The following HNF4A variants were observed in gnomAD, a reference collection of about 807,000 sequenced individuals.
HNF4A encodes hepatocyte nuclear factor 4-alpha.
Under a neutral mutation model 52.4 loss-of-function variants are expected in HNF4A, and 15 were observed. The ratio of observed to expected loss-of-function variants is 0.29; its 90% confidence interval spans 0.19 to 0.44. HNF4A has a LOEUF of 0.44. Among genes scored for constraint, HNF4A ranks in the 20% least tolerant of loss-of-function variants. HNF4A has a pLI of 1.00. For missense variants in HNF4A, 479 were observed against 647.2 expected (o/e 0.74, Z 2.82); for synonymous variants, 280 against 264.4 (o/e 1.06, Z -0.57).
intron 1 of HNF4A, among the ~76,000 whole-genome samples, chr20:44,404,894 A>G (rs1600704276): frequency 2.6e-5 from 1 of 38,562 alleles, no homozygotes; most frequent in Non-Finnish European, 4.9e-5. Flanking sequence ...GTGTGTGTGA[A>G]CTGTGGTGTG....
intron 1 of HNF4A, among the ~76,000 whole-genome samples, chr20:44,370,090 G>T (rs112201519): frequency 6.6e-6 from 1 of 151,938 alleles, no homozygotes; most frequent in African/African-American, 2.4e-5. Flanking sequence ...GCGGTGGCGC[G>T]ATCTCGGCTC....
chr20:44,358,339 G>C (rs971752698), intron 1 of HNF4A, among the ~76,000 whole-genome samples: 6 of 152,118 alleles, frequency 3.9e-5, no homozygotes, highest in Non-Finnish European at 8.8e-5. Context: ...GCTGGGTGCA[G>C]TGGCTCACGC....
rs180741727 is a variant in HNF4A at position 44,386,220 on chromosome 20, T to G, written c.50-19838T>G. Among the ~76,000 whole-genome samples, 328 of 137,328 alleles carry G rather than the reference T, an allele frequency of 2.4e-3. 1 individual carries two copies. The highest frequency in any genetic ancestry group is 8.8e-3 in the African/African-American group (314 of 35,800). The allele number at this position is 137,328 out of a possible 152,430, so 90.1% of individuals were successfully genotyped here. A position where few individuals can be genotyped will look rare whatever the true frequency, so the allele number is the denominator to read the frequency against. On this transcript the variant is annotated intron_variant, in intron 1 of 9. Coordinates refer to the HNF4A transcript ENST00000316673. ...TTTGCTCTTGTTAACCAGGCTGGAG[T>G]GCAATGGCACGATCCCGGCTCACCA...
At chr20:44,361,115 C>T (rs2062912301) in intron 1 of HNF4A, among the ~76,000 whole-genome samples, 1 of 152,104 alleles carries the variant, frequency 6.6e-6, no homozygotes, top group Non-Finnish European at 1.5e-5. Flanking sequence ...ATCTCCCCTC[C>T]CACATCACCT....
At chr20:44,417,046 T>C (rs1159602796) in intron 5 of HNF4A, among the ~76,000 whole-genome samples, 5 of 152,242 alleles carry the variant, frequency 3.3e-5, no homozygotes, top group African/African-American at 1.2e-4. Flanking sequence ...AGACCTTGTC[T>C]CTCGTTTTTA....
intron 9 of HNF4A, among the ~76,000 whole-genome samples, chr20:44,428,817 T>C (rs2063842333): frequency 6.6e-6 from 1 of 152,180 alleles, no homozygotes; most frequent in African/African-American, 2.4e-5. Flanking sequence ...CACAGTTGGG[T>C]AAGGCTATCC....
chr20:44,413,648 A>G lies in HNF4A; in HGVS notation c.386-46A>G, dbSNP rs2063617740. 9.5e-6 allele frequency: 13 copies of G among 1,370,692 alleles called. No homozygotes were observed. In the East Asian group the frequency reaches 1.7e-4, roughly 18 times the overall value. 84.9% of individuals were successfully genotyped at this position (1,370,692 alleles called of 1,614,324 possible). ...TCAGTCACAGACACCCCCACCCCCT[A>G]CTCCATCCCTGTTCTCCCTCCTCAC... is the stretch of plus-strand genomic sequence containing the variant. On this transcript the variant is annotated intron_variant, in intron 3 of 9. Coordinates refer to ENST00000316099, the MANE Select transcript of HNF4A (RefSeq NM_000457.6).
intron 3 of HNF4A, among the ~76,000 whole-genome samples, chr20:44,411,549 G>T (rs955422624): frequency 6.6e-6 from 1 of 152,098 alleles, no homozygotes; most frequent in Non-Finnish European, 1.5e-5. Context: ...TGGGGTGGAC[G>T]GCCCGGTCAG....
intron 6 of HNF4A, among the ~76,000 whole-genome samples, chr20:44,419,030 T>C (rs1001449561): frequency 5.9e-5 from 9 of 152,172 alleles, no homozygotes; most frequent in Non-Finnish European, 8.8e-5. Flanking sequence ...CCCGCCTCAG[T>C]CTCCCAAAGT....
chr20:44,383,402 A>G (rs1292152642), intron 1 of HNF4A, among the ~76,000 whole-genome samples: 5 of 152,234 alleles, frequency 3.3e-5, no homozygotes, highest in Non-Finnish European at 5.9e-5. Flanking sequence ...TCACACAGCT[A>G]GTCCATGACT....
intron 1 of HNF4A, among the ~76,000 whole-genome samples, chr20:44,391,833 C>T (rs1307602526): frequency 6.6e-6 from 1 of 152,090 alleles, no homozygotes; most frequent in Non-Finnish European, 1.5e-5. Context: ...ATGTGGTTCC[C>T]CATAGTGAGG....
intron 6 of HNF4A, among the ~76,000 whole-genome samples, chr20:44,419,166 TGGCA>T (rs2063708928): frequency 5.3e-5 from 8 of 152,246 alleles, no homozygotes; most frequent in Admixed American, 2.6e-4. Context: ...TGTGCCTTCA[TGGCA>T]TAGTTATTAT....
rs369429452 is a variant in HNF4A at position 44,424,117 on chromosome 20, G to T, written c.992G>T (p.Arg331Leu). 4.3e-6 allele frequency: 7 copies of T among 1,613,518 alleles called. No homozygotes were observed. The highest frequency in any genetic ancestry group is 5.9e-6 in the Non-Finnish European group (7 of 1,179,996). Reference sequence around the variant, plus strand: ...ATCAACGACCGCCAGTATGACTCGCGTGGCCGCTTTGGAGAGCTGCTGCTG... The same window carrying T: ...ATCAACGACCGCCAGTATGACTCGCTTGGCCGCTTTGGAGAGCTGCTGCTG... Residue 331 changes from arginine (R) to leucine (L), a missense_variant, in exon 8 of 10, where the codon CGT (arginine) becomes CTT (leucine). Coordinates refer to ENST00000316099, the MANE Select transcript of HNF4A (RefSeq NM_000457.6).
intron 1 of HNF4A, among the ~76,000 whole-genome samples, chr20:44,401,917 G>A (rs932877527): frequency 6.6e-6 from 1 of 152,084 alleles, no homozygotes; most frequent in Non-Finnish European, 1.5e-5. Context: ...GGAGATGGTG[G>A]TTGGAGACAT....
upstream of HNF4A, among the ~76,000 whole-genome samples, chr20:44,397,630 T>C (rs991459666): frequency 1.3e-5 from 2 of 152,034 alleles, no homozygotes; most frequent in African/African-American, 4.8e-5. Context: ...AAGAAAACAT[T>C]CTTTTTTTTT....
intron 1 of HNF4A, among the ~76,000 whole-genome samples, chr20:44,394,727 G>C (rs780830782): frequency 1.3e-4 from 20 of 152,216 alleles, no homozygotes; most frequent in Non-Finnish European, 2.4e-4. Context: ...GGTGGCCGTG[G>C]GCTATGCGTT....
intron 1 of HNF4A, among the ~76,000 whole-genome samples, chr20:44,387,721 TAA>T (rs367716974): frequency 3.7e-5 from 4 of 107,806 alleles, no homozygotes; most frequent in Non-Finnish European, 3.7e-5. Context: ...CTGGCAGGTT[TAA>T]AAAAAAAAAA....
At chr20:44,416,814 A>G (rs556965997) in intron 5 of HNF4A, among the ~76,000 whole-genome samples, 10 of 151,500 alleles carry the variant, frequency 6.6e-5, no homozygotes, top group African/African-American at 2.4e-4. Context: ...CAACAATTTC[A>G]CCTCCTTAGA....
At chr20:44,362,883 C>T (rs2062932993) in intron 1 of HNF4A, among the ~76,000 whole-genome samples, 1 of 151,082 alleles carries the variant, frequency 6.6e-6, no homozygotes, top group South Asian at 2.1e-4. Flanking sequence ...GCTCTGCTGC[C>T]CAGGCTGGAG....
Sources: gnomAD v4.1 joint callset for allele counts (sites outside exome capture counted in the v4.1 genomes callset) on GRCh38, gnomAD v4.1.1 for gene constraint, MANE v1.5 for transcripts, NCBI Gene and HGNC (gene_info 2026-07-23, HGNC 2026-07-21) for gene names.